The following DENND5B variants were observed in gnomAD, a reference collection of about 807,000 sequenced individuals.
DENND5B encodes the protein DENN domain containing 5B.
Under a neutral mutation model 140.6 loss-of-function variants are expected in DENND5B, and 34 were observed. The ratio of observed to expected loss-of-function variants is 0.24; its 90% confidence interval spans 0.18 to 0.32. The LOEUF is 0.32. Among genes scored for constraint, DENND5B ranks in the 10% least tolerant of loss-of-function variants. The pLI is 1.00. For missense variants in DENND5B, 1,142 were observed against 1,560.2 expected (o/e 0.73, Z 4.52); for synonymous variants, 551 against 562.1 (o/e 0.98, Z 0.28).
chr12:31,389,276 A>G (rs1426645649), intron 20 of DENND5B, 48 bp downstream of exon 20: 21 of 1,552,370 alleles, frequency 1.4e-5, no homozygotes, highest in Non-Finnish European at 1.8e-5. Context: ...TCTGGACTCT[A>G]GTTCAACATG....
chr12:31,444,688 A>G (rs1944200367), intron 6 of DENND5B, among the ~76,000 whole-genome samples: 1 of 152,228 alleles, frequency 6.6e-6, no homozygotes, highest in Non-Finnish European at 1.5e-5. Context: ...AGTTCCATCT[A>G]AAAAATTCCA....
chr12:31,522,026 C>T (rs1947910732), intron 1 of DENND5B, among the ~76,000 whole-genome samples: 1 of 152,202 alleles, frequency 6.6e-6, no homozygotes, highest in Admixed American at 6.5e-5. Flanking sequence ...TCTTCTCTCT[C>T]ATGTTAGCTA....
chr12:31,584,891 C>T (rs1013482993), intron 1 of DENND5B, among the ~76,000 whole-genome samples: 1 of 136,938 alleles, frequency 7.3e-6, no homozygotes, highest in South Asian at 2.4e-4. Flanking sequence ...GGCTATACTA[C>T]GCAAGAGGCA....
At chr12:31,460,634 C>T (rs532508027) in intron 3 of DENND5B, among the ~76,000 whole-genome samples, 3 of 152,196 alleles carry the variant, frequency 2.0e-5, no homozygotes, top group South Asian at 2.1e-4. Flanking sequence ...CATGGGTAGA[C>T]GAACTTATAT....
chr12:31,451,188 A>G (rs1436362082), intron 5 of DENND5B, among the ~76,000 whole-genome samples: 2 of 152,202 alleles, frequency 1.3e-5, no homozygotes, highest in African/African-American at 4.8e-5. Flanking sequence ...AAATAAATAG[A>G]TTTCTTCAAA....
At chr12:31,573,386 G>T (rs1332832657) in intron 1 of DENND5B, among the ~76,000 whole-genome samples, 1 of 152,108 alleles carries the variant, frequency 6.6e-6, no homozygotes, top group Non-Finnish European at 1.5e-5. Flanking sequence ...TCAGATAAAA[G>T]CTGTCACCTG....
intron 1 of DENND5B, among the ~76,000 whole-genome samples, chr12:31,560,195 A>C (rs1020403574): frequency 6.6e-6 from 1 of 152,164 alleles, no homozygotes; most frequent in African/African-American, 2.4e-5. Flanking sequence ...AGGTGTCTCA[A>C]ACTCAGAATG....
chr12:31,555,327 C>T (rs1949239161), intron 1 of DENND5B, among the ~76,000 whole-genome samples: 1 of 152,162 alleles, frequency 6.6e-6, no homozygotes, highest in South Asian at 2.1e-4. Flanking sequence ...CACTCCAGAC[C>T]CTGTTTGCCT....
intron 15 of DENND5B, 61 bp from the exon 16 acceptor site, chr12:31,399,833 T>C: frequency 7.6e-7 from 1 of 1,319,774 alleles, no homozygotes; most frequent in Non-Finnish European, 1.1e-6. Context: ...ATCTCAGCTT[T>C]ACAGGTACTT....
rs144705047 is a variant in DENND5B at position 31,429,753 on chromosome 12, C to T, written c.2107-3329G>A. ...ACAGAGTCTCACTCTGTTGCCCAGG[C>T]TGTAATGCAGTGGTGCAATCTTGGC... is the stretch of plus-strand genomic sequence containing the variant. On this transcript the variant is annotated intron_variant, in intron 8 of 20. Coordinates refer to ENST00000389082, the MANE Select transcript of DENND5B (RefSeq NM_144973.4). Among the ~76,000 whole-genome samples the T allele has an allele frequency of 3.3e-5, 5 of 152,164 alleles. No individual in the cohort carries two copies. In the East Asian group the frequency reaches 9.7e-4, roughly 29 times the overall value.
At chr12:31,564,752 C>T (rs966496950) in intron 1 of DENND5B, among the ~76,000 whole-genome samples, 17 of 151,612 alleles carry the variant, frequency 1.1e-4, no homozygotes, top group Non-Finnish European at 1.9e-4. Context: ...CCTCCCTTTG[C>T]TAATTTTTGT....
At chr12:31,552,806 G>C (rs1443842038) in intron 1 of DENND5B, among the ~76,000 whole-genome samples, 1 of 152,184 alleles carries the variant, frequency 6.6e-6, no homozygotes, top group African/African-American at 2.4e-5. Context: ...GAGGATGTAT[G>C]TGTCAAGGAA....
At chr12:31,430,275 G>A (rs994392128) in intron 8 of DENND5B, among the ~76,000 whole-genome samples, 1 of 148,692 alleles carries the variant, frequency 6.7e-6, no homozygotes. Context: ...CGCCCGCCTC[G>A]TCCTCCCAAA....
At chr12:31,392,759 A>G in intron 17 of DENND5B, 63 bp from the exon 18 acceptor site, 9 of 1,429,680 alleles carry the variant, frequency 6.3e-6, no homozygotes, top group Non-Finnish European at 8.6e-6. Context: ...GTACTATGGG[A>G]CATCAACTGT....
chr12:31,460,963 C>G (rs1239691153), intron 3 of DENND5B, among the ~76,000 whole-genome samples: 1 of 152,144 alleles, frequency 6.6e-6, no homozygotes, highest in African/African-American at 2.4e-5. Context: ...TGACCTCAAG[C>G]AATCCGCCTA....
At chr12:31,520,149 C>A (rs971535347) in intron 1 of DENND5B, among the ~76,000 whole-genome samples, 1 of 152,184 alleles carries the variant, frequency 6.6e-6, no homozygotes, top group East Asian at 1.9e-4. Flanking sequence ...GACTTTCATT[C>A]TAAGAAATAA....
intron 14 of DENND5B, among the ~76,000 whole-genome samples, chr12:31,405,058 C>G (rs1481456437): frequency 6.6e-6 from 1 of 151,644 alleles, no homozygotes; most frequent in Non-Finnish European, 1.5e-5. Context: ...CCGTGCCCGG[C>G]CCCTAGCTAA....
intron 6 of DENND5B, among the ~76,000 whole-genome samples, chr12:31,443,596 A>G (rs769209881): frequency 6.6e-6 from 1 of 152,222 alleles, no homozygotes; most frequent in Non-Finnish European, 1.5e-5. Flanking sequence ...GTACAACATT[A>G]AAGAAAATGA....
chr12:31,405,882 G>A (rs189739019), intron 14 of DENND5B, among the ~76,000 whole-genome samples: 2 of 146,966 alleles, frequency 1.4e-5, no homozygotes, highest in African/African-American at 5.1e-5. Context: ...GTCTTGTTCT[G>A]ATGCCCAGGC....
Sources: allele counts gnomAD v4.1 joint callset (sites outside exome capture counted in the v4.1 genomes callset), GRCh38; gene constraint gnomAD v4.1.1; transcripts MANE v1.5; gene names NCBI Gene and HGNC (gene_info 2026-07-23, HGNC 2026-07-21).